XYLT1: variants seen among roughly 807,000 people sequenced by gnomAD.
XYLT1 encodes the protein beta-D-xylosyltransferase 1.
XYLT1 carries 36 observed loss-of-function variants against 91.3 expected under a neutral mutation model. The ratio of observed to expected loss-of-function variants is 0.39; its 90% confidence interval spans 0.30 to 0.52. The LOEUF (loss-of-function observed/expected upper bound fraction) is 0.52, where lower values mean the gene tolerates loss of function less well. Among genes scored for constraint, XYLT1 ranks in the 20% least tolerant of loss-of-function variants. XYLT1 has a pLI of 0.68. For synonymous variants in XYLT1, 588 were observed against 532.0 expected (o/e 1.11, Z -1.45); for missense variants, 1,242 against 1,284.5 (o/e 0.97, Z 0.51).
intron 1 of XYLT1, among the ~76,000 whole-genome samples, chr16:17,411,014 G>A (rs1264319342): frequency 5.3e-5 from 8 of 152,150 alleles, no homozygotes; most frequent in Non-Finnish European, 1.2e-4. Context: ...CTAATAAACA[G>A]GTGTGTTAAC....
At position 17,102,964 on chromosome 16, in the gene XYLT1, A is replaced by T. The variant is rs1008273022; in HGVS notation, c.*5731T>A. On this transcript the variant is annotated 3_prime_UTR_variant, in exon 12 of 12. Coordinates refer to ENST00000261381, the MANE Select transcript of XYLT1 (RefSeq NM_022166.4). Reference sequence around the variant, plus strand: ...TTGACAACATAATATTTAAAAAAAAAAAAGGCAAAAGGACTACAAAGACAA... The same window carrying T: ...TTGACAACATAATATTTAAAAAAAATAAAGGCAAAAGGACTACAAAGACAA... 4.6e-5 allele frequency: 7 copies of T among 152,612 alleles called. No homozygotes were observed. The highest frequency in any genetic ancestry group is 1.7e-4 in the African/African-American group (7 of 41,452). The allele number at this position is 152,612 out of a possible 1,614,324, so 9.5% of individuals were successfully genotyped here.
chr16:17,466,511 T>C (rs2036899128), intron 1 of XYLT1, among the ~76,000 whole-genome samples: 1 of 152,250 alleles, frequency 6.6e-6, no homozygotes, highest in Non-Finnish European at 1.5e-5. Flanking sequence ...TCCTCTTCTA[T>C]TAAAACCATG....
At chr16:17,368,592 A>G (rs1332802974) in intron 1 of XYLT1, among the ~76,000 whole-genome samples, 1 of 118,592 alleles carries the variant, frequency 8.4e-6, no homozygotes, top group South Asian at 2.6e-4. Flanking sequence ...TTTTTACTTT[A>G]AAAAAAAAAA....
At chr16:17,322,325 C>G (rs1449506962) in intron 2 of XYLT1, among the ~76,000 whole-genome samples, 1 of 152,180 alleles carries the variant, frequency 6.6e-6, no homozygotes, top group Non-Finnish European at 1.5e-5. Context: ...AGGCAGTGCT[C>G]TGAAGACCCG....
chr16:17,208,415 T>G lies in XYLT1; in HGVS notation c.914-7761A>C, dbSNP rs151151140. 2.2e-3 allele frequency among the ~76,000 whole-genome samples: 336 copies of G among 152,152 alleles called. 1 individual carries two copies. The highest frequency in any genetic ancestry group is 7.5e-3 in the African/African-American group (313 of 41,498). ...TATGTGAAATGCCTGGAACCAGAAG[T>G]GTTTCCAATTTTGAATTTTTTCAGA... On this transcript the variant is annotated intron_variant, in intron 3 of 11. Transcript: ENST00000261381.
intron 5 of XYLT1, among the ~76,000 whole-genome samples, chr16:17,172,554 C>A (rs1172195990): frequency 6.6e-6 from 1 of 150,426 alleles, no homozygotes; most frequent in African/African-American, 2.4e-5. Context: ...TCACTGCAAC[C>A]TCTGCTTCCC....
At chr16:17,363,086 A>G (rs114474211) in intron 1 of XYLT1, among the ~76,000 whole-genome samples, 2,774 of 152,268 alleles carry the variant, frequency 0.018, 76 homozygotes, top group African/African-American at 0.063. Flanking sequence ...AAAATCTAAG[A>G]AACTCTTCTT....
At chr16:17,234,911 T>C (rs999475305) in intron 3 of XYLT1, among the ~76,000 whole-genome samples, 46 of 152,342 alleles carry the variant, frequency 3.0e-4, no homozygotes, top group African/African-American at 1.1e-3. Context: ...CATAATGGTC[T>C]GCGGCAGTTT....
rs79862959 is a variant in XYLT1 at position 17,116,831 on chromosome 16, A to G, written c.2557+815T>C. 7.7e-3 allele frequency among the ~76,000 whole-genome samples: 1,176 copies of G among 152,276 alleles called. 18 individuals are homozygous for G. The highest frequency in any genetic ancestry group is 0.026 in the African/African-American group (1,068 of 41,546). ...GTTCTTATCTGTCACGCATTTCCCA[A>G]TATGATGGGTGTGAAGTGGAACCTC... On this transcript the variant is annotated intron_variant, in intron 11 of 11. Coordinates refer to ENST00000261381, the MANE Select transcript of XYLT1 (RefSeq NM_022166.4).
At chr16:17,181,744 A>C (rs2032075112) in intron 5 of XYLT1, among the ~76,000 whole-genome samples, 1 of 151,952 alleles carries the variant, frequency 6.6e-6, no homozygotes, top group Middle Eastern at 3.4e-3. Context: ...CCTCCTCCCA[A>C]ATGAATTGCA....
At chr16:17,356,987 T>C (rs917743966) in intron 2 of XYLT1, among the ~76,000 whole-genome samples, 7 of 151,726 alleles carry the variant, frequency 4.6e-5, no homozygotes, top group African/African-American at 1.2e-4. Context: ...CCATCCTGGC[T>C]AACACGGTGA....
chr16:17,344,240 T>C (rs1160353927), intron 2 of XYLT1, among the ~76,000 whole-genome samples: 2 of 150,360 alleles, frequency 1.3e-5, no homozygotes, highest in Admixed American at 1.3e-4. Context: ...CCCAGCACTT[T>C]GGGAGGCCAA....
chr16:17,410,547 C>T (rs923922544), intron 1 of XYLT1, among the ~76,000 whole-genome samples: 4 of 152,120 alleles, frequency 2.6e-5, no homozygotes, highest in Non-Finnish European at 5.9e-5. Context: ...TAAATCACCT[C>T]CCACTGGGTT....
chr16:17,347,251 CTCTG>C (rs1412274876), intron 2 of XYLT1, among the ~76,000 whole-genome samples: 3 of 152,206 alleles, frequency 2.0e-5, no homozygotes, highest in Non-Finnish European at 4.4e-5. Flanking sequence ...AACCTGTCTT[CTCTG>C]TCTGTCTGTC....
Position 17,156,140 on chromosome 16 carries a change from C to T in XYLT1, c.1370+2689G>A, listed in dbSNP as rs980914118. Among the ~76,000 whole-genome samples, 9 of 152,160 alleles carry T rather than the reference C, an allele frequency of 5.9e-5. No individual in the cohort carries two copies. The South Asian group carries it at 6.2e-4, about 11-fold the overall frequency. On this transcript the variant is annotated intron_variant, in intron 6 of 11. Coordinates refer to ENST00000261381, the MANE Select transcript of XYLT1 (RefSeq NM_022166.4). ...ACCAGTTCAGAGAGGTTAAGTCACT[C>T]GTCCAATGCAACACAGCTAGAACAC... is the stretch of plus-strand genomic sequence containing the variant.
intron 2 of XYLT1, among the ~76,000 whole-genome samples, chr16:17,306,143 GTA>G (rs1184246548): frequency 6.6e-6 from 1 of 152,162 alleles, no homozygotes; most frequent in East Asian, 1.9e-4. Flanking sequence ...AAATTTCAGG[GTA>G]ACTTACCAAG....
intron 5 of XYLT1, among the ~76,000 whole-genome samples, chr16:17,184,156 C>T (rs1420871729): frequency 3.3e-5 from 5 of 150,734 alleles, no homozygotes; most frequent in Admixed American, 3.3e-4. Context: ...TACTCTTGGC[C>T]ACCGGAGAAA....
At chr16:17,456,000 T>C (rs1664681053) in intron 1 of XYLT1, among the ~76,000 whole-genome samples, 1 of 152,228 alleles carries the variant, frequency 6.6e-6, no homozygotes, top group Non-Finnish European at 1.5e-5. Context: ...TCGCTGTAAT[T>C]ATTATTTTAA....
chr16:17,324,467 A>G (rs553797220), intron 2 of XYLT1, among the ~76,000 whole-genome samples: 9 of 152,296 alleles, frequency 5.9e-5, no homozygotes, highest in Admixed American at 3.9e-4. Context: ...TGCCCAGTCT[A>G]CTGCAGGGTG....
Sources: allele counts gnomAD v4.1 joint callset (sites outside exome capture counted in the v4.1 genomes callset), GRCh38; gene constraint gnomAD v4.1.1; transcripts MANE v1.5; gene names NCBI Gene and HGNC (gene_info 2026-07-23, HGNC 2026-07-21).